CPEB4: variants seen among roughly 807,000 people sequenced by gnomAD.
CPEB4 encodes the protein cytoplasmic polyadenylation element-binding protein 4.
A neutral mutation model predicts 72.5 loss-of-function variants in CPEB4; 12 were observed. The ratio of observed to expected loss-of-function variants is 0.17; its 90% confidence interval spans 0.11 to 0.27. The LOEUF is 0.27. Among genes scored for constraint, CPEB4 ranks in the 10% least tolerant of loss-of-function variants. CPEB4 has a pLI of 1.00. For synonymous variants in CPEB4, 302 were observed against 326.3 expected (o/e 0.93, Z 0.80); for missense variants, 614 against 908.5 (o/e 0.68, Z 4.17).
intron 2 of CPEB4, among the ~76,000 whole-genome samples, chr5:173,930,733 A>C (rs1016740630): frequency 4.5e-4 from 69 of 152,226 alleles, no homozygotes; most frequent in African/African-American, 1.6e-3. Flanking sequence ...TCACTCCTGT[A>C]ATCCTAGCAC....
At chr5:173,940,007 T>A (rs1394227086) in intron 3 of CPEB4, among the ~76,000 whole-genome samples, 1 of 148,538 alleles carries the variant, frequency 6.7e-6, no homozygotes, top group Admixed American at 6.7e-5. Flanking sequence ...CCAGCGAGAC[T>A]GAGGCAAGAA....
chr5:173,907,216 T>G (rs75049939), intron 1 of CPEB4, among the ~76,000 whole-genome samples: 33,962 of 152,046 alleles, frequency 0.22, 5,006 homozygotes, highest in Non-Finnish European at 0.31. Context: ...GCAGTGAGCC[T>G]AGATCACGCT....
In CPEB4 at chr5:173,890,727, T is replaced by C; in HGVS notation, c.994T>C (p.Ser332Pro). The change falls in exon 1 of 10, where the codon TCG (serine) becomes CCG (proline). Residue 332 changes from serine (S) to proline (P), a missense_variant. Physicochemically the swap from Ser to Pro is moderately conservative, Grantham distance 74. Around this residue, in one of 5 missense-constraint regions of CPEB4, gnomAD observed 458 missense variants for 548.6 expected, o/e 0.83. Transcript: ENST00000265085. ...NGGITPLNSI[S>P]PLKKNFASNH... is the part of the protein sequence containing the mutation. ...TGGAATAACGCCCCTGAACTCCATC[T>C]CGCCTTTGAAGAAAAATTTTGCAAG... The C allele has an allele frequency of 6.2e-7, 1 of 1,614,134 alleles. No homozygotes were observed. Among genetic ancestry groups the C allele is most frequent in the Non-Finnish European group, 8.5e-7 (1 of 1,180,042 alleles).
In CPEB4 at chr5:173,888,819, G is replaced by C; in HGVS notation, c.-915G>C. ...AGGCAGAAACCGCAGGACCTTCCAG[G>C]TCGCCCCCTCGGTCCCCGCACCCCC... On this transcript the variant is annotated 5_prime_UTR_variant, in exon 1 of 10. Coordinates refer to ENST00000265085, the MANE Select transcript of CPEB4 (RefSeq NM_030627.4). The surrounding 1 kb of genome is among the most constrained non-coding windows in gnomAD (Gnocchi z 4.3). 3.0e-6 allele frequency: 1 copy of C among 330,220 alleles called. No homozygotes were observed. Among genetic ancestry groups the C allele is most frequent in the Non-Finnish European group, 5.4e-6 (1 of 183,706 alleles). 20.5% of individuals were successfully genotyped at this position (330,220 alleles called of 1,614,324 possible).
intron 2 of CPEB4, among the ~76,000 whole-genome samples, chr5:173,912,367 A>G (rs536447051): frequency 3.3e-5 from 5 of 152,272 alleles, no homozygotes; most frequent in East Asian, 3.9e-4. Flanking sequence ...ACCAATGTCA[A>G]TTTCCTGGTT....
At chr5:173,946,942 C>T (rs1430201050) in intron 5 of CPEB4, among the ~76,000 whole-genome samples, 3 of 151,952 alleles carry the variant, frequency 2.0e-5, no homozygotes, top group Non-Finnish European at 4.4e-5. Context: ...TCCTACCATG[C>T]GCATGTTAAC....
Position 173,888,413 on chromosome 5 carries a change from T to C in CPEB4, c.-1321T>C, listed in dbSNP as rs1437994670. 4 of 443,798 alleles carry C rather than the reference T, an allele frequency of 9.0e-6. No homozygotes were observed. The highest frequency in any genetic ancestry group is 1.2e-5 in the Non-Finnish European group (3 of 256,616). The allele number at this position is 443,798 out of a possible 1,614,324, so 27.5% of individuals were successfully genotyped here. ...GCGGGACCCGGGCACCGGGAGGCGG[T>C]GGCGGCGGCGGCGGCGGCAGCAGCG... On this transcript the variant is annotated 5_prime_UTR_variant, in exon 1 of 10. Coordinates refer to ENST00000265085, the MANE Select transcript of CPEB4 (RefSeq NM_030627.4). This position sits in a 1 kb window ranked among gnomAD's most constrained non-coding sequence, Gnocchi z 4.3.
intron 3 of CPEB4, among the ~76,000 whole-genome samples, chr5:173,942,676 G>T (rs930033342): frequency 6.6e-6 from 1 of 152,198 alleles, no homozygotes; most frequent in Admixed American, 6.5e-5. Flanking sequence ...AGGGAATTCT[G>T]AGAGAAAACG....
chr5:173,898,411 T>C (rs1269365445), intron 1 of CPEB4, among the ~76,000 whole-genome samples: 1 of 152,190 alleles, frequency 6.6e-6, no homozygotes, highest in Admixed American at 6.5e-5. Context: ...GGAAGTCAGA[T>C]CTGGGTTCCA....
In CPEB4 at chr5:173,926,482, G is replaced by A. The variant is rs1192369829; in HGVS notation, c.1208-5968G>A. Among the ~76,000 whole-genome samples, 3 of 152,284 alleles carry A rather than the reference G, an allele frequency of 2.0e-5. No homozygotes were observed. The East Asian group carries it at 5.8e-4, about 29-fold the overall frequency. On this transcript the variant is annotated intron_variant, in intron 2 of 9. Coordinates refer to ENST00000265085, the MANE Select transcript of CPEB4 (RefSeq NM_030627.4). Reference sequence around the variant, plus strand: ...CATAGAATTGCCTAGTTGACGTATGGATCTTTTCTAGGTTGTAGGATTTGG... The same window carrying A: ...CATAGAATTGCCTAGTTGACGTATGAATCTTTTCTAGGTTGTAGGATTTGG...
In CPEB4 at chr5:173,890,823, A is replaced by G. The variant is rs141459322; in HGVS notation, c.1090A>G (p.Ser364Gly). ...AFAPKSWMEDSLNRADNIFPF... is the reference protein window; with the variant it reads ...AFAPKSWMEDGLNRADNIFPF... ...TGCACCTAAATCCTGGATGGAAGAT[A>G]GCTTGAACAGGGCTGACAACATTTT... Residue 364 changes from serine to glycine, a missense_variant, in exon 1 of 10, where the codon AGC becomes GGC. Physicochemically the swap from Ser to Gly is moderately conservative, Grantham distance 56. This residue lies in a region of CPEB4 where 458 missense variants were observed against 548.6 expected (regional missense o/e 0.83). Coordinates refer to ENST00000265085, the MANE Select transcript of CPEB4 (RefSeq NM_030627.4). The G allele has an allele frequency of 8.4e-4, 1,348 of 1,613,916 alleles. 17 individuals are homozygous for G. In the African/African-American group the frequency reaches 0.016, roughly 19 times the overall value.
At position 173,945,063 on chromosome 5, in the gene CPEB4, G is replaced by A; in HGVS notation, c.1379G>A (p.Ser460Asn). ...HSGLGSPHCF[S>N]HQNGERVERY... ...GGCCTGGGTTCACCTCACTGCTTCAGTCACCAGAATGGGGAAAGAGTGGAA... is the reference window on the plus strand; with the variant it reads ...GGCCTGGGTTCACCTCACTGCTTCAATCACCAGAATGGGGAAAGAGTGGAA... The change falls in exon 5 of 10, where the codon AGT becomes AAT. Residue 460 changes from serine (S) to asparagine (N), a missense_variant. This residue lies in a region of CPEB4 where 458 missense variants were observed against 548.6 expected (regional missense o/e 0.83). Coordinates refer to ENST00000265085, the MANE Select transcript of CPEB4 (RefSeq NM_030627.4). 6.2e-7 allele frequency: 1 copy of A among 1,614,026 alleles called. No individual in the cohort carries two copies. Among genetic ancestry groups the A allele is most frequent in the Non-Finnish European group, 8.5e-7 (1 of 1,179,940 alleles).
intron 1 of CPEB4, among the ~76,000 whole-genome samples, chr5:173,899,392 T>A (rs1312523535): frequency 6.6e-6 from 1 of 152,148 alleles, no homozygotes; most frequent in African/African-American, 2.4e-5. Flanking sequence ...TTTTTCAAGT[T>A]GTTTTTTTAA....
chr5:173,889,746 G>A lies in CPEB4; in HGVS notation c.13G>A (p.Gly5Arg). 2 of 1,579,626 alleles carry A rather than the reference G, an allele frequency of 1.3e-6. No homozygotes were observed. The highest frequency in any genetic ancestry group is 1.2e-5 in the South Asian group (1 of 86,286). Residue 5 changes from glycine (G) to arginine (R), a missense_variant, in exon 1 of 10, where the codon GGG becomes AGG. This residue lies in a region of CPEB4 where 7 missense variants were observed against 26.1 expected (regional missense o/e 0.27). Transcript: ENST00000265085. MGDY[G>R]FGVLVQSNTG... is the part of the protein sequence containing the mutation. ...CTAAAGATAATAAATGGGGGATTAC[G>A]GGTTTGGAGTGCTAGTGCAAAGCAA...
chr5:173,949,388 G>A, intron 5 of CPEB4, 120 bp from the exon 6 acceptor site: 3 of 641,982 alleles, frequency 4.7e-6, no homozygotes, highest in Non-Finnish European at 8.0e-6. Context: ...CTAGATGAAG[G>A]GGATAAAGGA....
At chr5:173,951,986 A>G (rs759120227) in intron 8 of CPEB4, 48 bp downstream of exon 8, 2 of 1,250,496 alleles carry the variant, frequency 1.6e-6, no homozygotes, top group East Asian at 4.6e-5. Flanking sequence ...CGCAAGAAAT[A>G]TGAAGATCTT....
intron 1 of CPEB4, among the ~76,000 whole-genome samples, chr5:173,901,694 A>T (rs1389851694): frequency 1.3e-5 from 2 of 152,234 alleles, no homozygotes; most frequent in Non-Finnish European, 2.9e-5. Context: ...TCATTTGCCT[A>T]CGATGGGGAA....
chr5:173,904,636 T>C (rs1756359063), intron 1 of CPEB4, among the ~76,000 whole-genome samples: 1 of 152,166 alleles, frequency 6.6e-6, no homozygotes, highest in South Asian at 2.1e-4. Context: ...TATTCAAATG[T>C]ATGTCTTAAT....
chr5:173,889,246 C>T lies in CPEB4; in HGVS notation c.-488C>T, dbSNP rs541732165. ...AAGCTGCCAAGAAAAGAACGTATTC[C>T]CCTCTTAGTCCTATTCTAATTTTTA... On this transcript the variant is annotated 5_prime_UTR_variant, in exon 1 of 10. Coordinates refer to ENST00000265085, the MANE Select transcript of CPEB4 (RefSeq NM_030627.4). 1 of 151,678 alleles carries T rather than the reference C, an allele frequency of 6.6e-6. No homozygotes were observed. The highest frequency in any genetic ancestry group is 1.9e-4 in the East Asian group (1 of 5,308). 9.4% of individuals were successfully genotyped at this position (151,678 alleles called of 1,614,324 possible). A position where few individuals can be genotyped will look rare whatever the true frequency, so the allele number is the denominator to read the frequency against.
Sources: allele counts gnomAD v4.1 joint callset (sites outside exome capture counted in the v4.1 genomes callset), GRCh38; gene constraint gnomAD v4.1.1; regional missense constraint gnomAD v4.1.1; non-coding constraint Gnocchi (gnomAD v3.1); transcripts MANE v1.5; gene names NCBI Gene and HGNC (gene_info 2026-07-23, HGNC 2026-07-21).